The following DLGAP1 variants were observed in gnomAD, a reference collection of about 807,000 sequenced individuals.
The protein encoded by DLGAP1 is disks large-associated protein 1.
A neutral mutation model predicts 90.8 loss-of-function variants in DLGAP1; 11 were observed. The ratio of observed to expected loss-of-function variants is 0.12; its 90% confidence interval spans 0.08 to 0.20. The LOEUF (loss-of-function observed/expected upper bound fraction) is 0.20, where lower values mean the gene tolerates loss of function less well. Ranked by LOEUF, DLGAP1 falls within the 10% of genes least tolerant of loss-of-function variation. The pLI is 1.00. For synonymous variants in DLGAP1, 558 were observed against 540.7 expected, an observed-to-expected ratio of 1.03 and a Z score of -0.44; for missense variants, 1,050 against 1,333.8, an observed-to-expected ratio of 0.79 and a Z score of 3.31.
intron 3 of DLGAP1, among the ~76,000 whole-genome samples, chr18:3,915,794 AT>A (rs917455295): frequency 7.2e-4 from 108 of 150,374 alleles, no homozygotes; most frequent in African/African-American, 2.4e-3. Flanking sequence ...AACCTTATTT[AT>A]TTTTTTTTTC....
At chr18:3,706,537 T>C (rs900151594) in intron 7 of DLGAP1, among the ~76,000 whole-genome samples, 1 of 152,216 alleles carries the variant, frequency 6.6e-6, no homozygotes, top group Non-Finnish European at 1.5e-5. Context: ...GAAAATAGGA[T>C]ATAAATTTTC....
chr18:3,997,082 A>G (rs2074087830), intron 3 of DLGAP1, among the ~76,000 whole-genome samples: 1 of 44,792 alleles, frequency 2.2e-5, no homozygotes, highest in Admixed American at 2.7e-4. Context: ...TTTTTTTTTA[A>G]TATTTTATAT....
At chr18:4,208,446 A>C (rs2077767307) in intron 1 of DLGAP1, among the ~76,000 whole-genome samples, 1 of 152,182 alleles carries the variant, frequency 6.6e-6, no homozygotes, top group South Asian at 2.1e-4. Context: ...TGCAAAGCCC[A>C]ATGACTTGAC....
intron 4 of DLGAP1, among the ~76,000 whole-genome samples, chr18:3,851,426 A>G (rs1277886016): frequency 2.6e-5 from 4 of 152,186 alleles, no homozygotes; most frequent in African/African-American, 9.7e-5. Flanking sequence ...GACTATATAG[A>G]TGGATCATAT....
chr18:3,759,493 A>G (rs774797617), intron 5 of DLGAP1, among the ~76,000 whole-genome samples: 4 of 152,242 alleles, frequency 2.6e-5, no homozygotes, highest in Non-Finnish European at 5.9e-5. Flanking sequence ...CAGCGTGCCA[A>G]ATATGTTTAT....
chr18:4,054,305 TAGAATTG>T (rs1258788085), intron 2 of DLGAP1, among the ~76,000 whole-genome samples: 1 of 152,220 alleles, frequency 6.6e-6, no homozygotes, highest in Non-Finnish European at 1.5e-5. Context: ...TGGGCTCTTT[TAGAATTG>T]ATTTTTTTTC....
intron 8 of DLGAP1, chr18:3,580,122 G>A (rs1328211228): frequency 9.4e-7 from 1 of 1,058,912 alleles, no homozygotes; most frequent in African/African-American, 1.6e-5. Flanking sequence ...TCAATTTAGA[G>A]AACAAAAATA....
chr18:4,078,454 G>A (rs1012661053), intron 2 of DLGAP1, among the ~76,000 whole-genome samples: 9 of 152,186 alleles, frequency 5.9e-5, no homozygotes, highest in African/African-American at 1.2e-4. Flanking sequence ...AGGAATGGAC[G>A]TTTTTAATAG....
At chr18:4,241,689 A>C (rs1238386252) in intron 1 of DLGAP1, among the ~76,000 whole-genome samples, 1 of 152,216 alleles carries the variant, frequency 6.6e-6, no homozygotes, top group Non-Finnish European at 1.5e-5. Flanking sequence ...GATGCCACCA[A>C]TAAAAAGTAT....
At chr18:3,533,316 G>A (rs1461218797) in intron 10 of DLGAP1, among the ~76,000 whole-genome samples, 4 of 152,150 alleles carry the variant, frequency 2.6e-5, no homozygotes, top group East Asian at 1.9e-4. Context: ...TGTATTCATC[G>A]TGTATTTCAC....
At chr18:3,758,827 T>C (rs1238063457) in intron 5 of DLGAP1, among the ~76,000 whole-genome samples, 4 of 152,214 alleles carry the variant, frequency 2.6e-5, no homozygotes, top group South Asian at 2.1e-4. Context: ...TTCCAGATAT[T>C]TGCATTGCCG....
At chr18:3,860,654 T>A (rs977687536) in intron 4 of DLGAP1, among the ~76,000 whole-genome samples, 1 of 152,182 alleles carries the variant, frequency 6.6e-6, no homozygotes, top group African/African-American at 2.4e-5. Context: ...ACTGTTGAAT[T>A]ATTGTGGCAG....
At chr18:3,578,802 A>T (rs2055315364) in intron 8 of DLGAP1, among the ~76,000 whole-genome samples, 1 of 152,154 alleles carries the variant, frequency 6.6e-6, no homozygotes, top group South Asian at 2.1e-4. Context: ...TGTAGGGCAG[A>T]GATGATCCTA....
chr18:3,609,178 G>T (rs1447625479), intron 7 of DLGAP1, among the ~76,000 whole-genome samples: 3 of 119,410 alleles, frequency 2.5e-5, no homozygotes, highest in Admixed American at 7.9e-5. Context: ...CAAGTAGCTG[G>T]GACTGCAGGT....
At chr18:4,364,154 G>C (rs1473527057) in intron 1 of DLGAP1, among the ~76,000 whole-genome samples, 1 of 149,798 alleles carries the variant, frequency 6.7e-6, no homozygotes, top group African/African-American at 2.5e-5. Context: ...ACTATCGCAA[G>C]GACAAAAAAC....
chr18:4,065,990 T>C (rs188558911), intron 2 of DLGAP1, among the ~76,000 whole-genome samples: 6 of 152,112 alleles, frequency 3.9e-5, no homozygotes, highest in Admixed American at 2.0e-4. Context: ...GGGAACAGCA[T>C]AGAGAAGTCA....
At chr18:4,230,617 G>A (rs1224638253) in intron 1 of DLGAP1, among the ~76,000 whole-genome samples, 2 of 150,688 alleles carry the variant, frequency 1.3e-5, no homozygotes, top group Non-Finnish European at 3.0e-5. Context: ...ATAGAATGAT[G>A]GTTGTCAGAT....
intron 3 of DLGAP1, among the ~76,000 whole-genome samples, chr18:3,882,685 C>A (rs1412068538): frequency 6.6e-6 from 1 of 152,140 alleles, no homozygotes; most frequent in Non-Finnish European, 1.5e-5. Flanking sequence ...CAGTCCATTT[C>A]CAAGCTCGGA....
intron 1 of DLGAP1, among the ~76,000 whole-genome samples, chr18:4,256,813 G>C (rs958693292): frequency 5.9e-5 from 9 of 151,980 alleles, no homozygotes; most frequent in African/African-American, 1.9e-4. Flanking sequence ...CACTCTTTTT[G>C]CTTTTTAATG....
Sources: allele counts gnomAD v4.1 joint callset (sites outside exome capture counted in the v4.1 genomes callset), GRCh38; gene constraint gnomAD v4.1.1; transcripts MANE v1.5; gene names NCBI Gene and HGNC (gene_info 2026-07-23, HGNC 2026-07-21).